Variants in CDC42EP4 observed in about 807,000 individuals in gnomAD.
CDC42EP4 encodes CDC42 effector protein (Rho GTPase binding) 4.
In CDC42EP4, 6 loss-of-function variants were observed where a neutral mutation model predicts 5.6. The ratio of observed to expected loss-of-function variants is 1.07; its 90% CI spans 0.59 to 2.12. CDC42EP4 has a LOEUF of 2.12. Among genes scored for constraint, CDC42EP4 ranks in the 30% most tolerant of loss-of-function variants. The probability of loss-of-function intolerance (pLI) is 0.00; values close to 1 mark genes in which losing one functional copy is unlikely to be tolerated. For missense variants in CDC42EP4, 490 were observed against 508.6 expected (o/e 0.96, Z 0.35); for synonymous variants, 230 against 224.2 (o/e 1.03, Z -0.23).
intron 1 of CDC42EP4, among the ~76,000 whole-genome samples, chr17:73,291,720 C>T (rs556725948): frequency 6.6e-6 from 1 of 152,260 alleles, no homozygotes; most frequent in African/African-American, 2.4e-5. Flanking sequence ...AAACCACATC[C>T]CACTTTCTTG....
At chr17:73,295,000 C>T (rs1395494495) in intron 1 of CDC42EP4, among the ~76,000 whole-genome samples, 3 of 151,828 alleles carry the variant, frequency 2.0e-5, no homozygotes, top group South Asian at 2.1e-4. Flanking sequence ...TTAGTAGAGA[C>T]GGGGTTCCAC....
chr17:73,303,824 A>C (rs2062231667), intron 1 of CDC42EP4, among the ~76,000 whole-genome samples: 1 of 152,170 alleles, frequency 6.6e-6, no homozygotes, highest in South Asian at 2.1e-4. Context: ...TTTGAATATC[A>C]CACAAGTATT....
In CDC42EP4 at chr17:73,286,708, T is replaced by C; in HGVS notation, c.-112-96A>G. ...GGGACTGTCATTTAAACCCCAGCGC[T>C]CCTACCAAAGTTAAATGCTGTGAAA... On this transcript the variant is annotated intron_variant, in intron 1 of 1. Transcript: ENST00000335793. The surrounding 1 kb of genome is among the most constrained non-coding windows in gnomAD (Gnocchi z 7.7). 1 of 569,510 alleles carries C rather than the reference T, an allele frequency of 1.8e-6. No homozygotes were observed. The highest frequency in any genetic ancestry group is 2.4e-5 in the South Asian group (1 of 40,928). The allele number at this position is 569,510 out of a possible 1,614,324, so 35.3% of individuals were successfully genotyped here.
chr17:73,302,905 A>C (rs987770571), intron 1 of CDC42EP4, among the ~76,000 whole-genome samples: 6 of 148,896 alleles, frequency 4.0e-5, no homozygotes, highest in Middle Eastern at 3.5e-3. Context: ...TTAGCTGGGC[A>C]TGGTGGCGGG....
intron 1 of CDC42EP4, among the ~76,000 whole-genome samples, chr17:73,295,546 G>A (rs1238411416): frequency 6.6e-6 from 1 of 152,194 alleles, no homozygotes; most frequent in Non-Finnish European, 1.5e-5. Flanking sequence ...TGGTCCCAGG[G>A]TGGGGTGGTC....
Position 73,286,042 on chromosome 17 carries a change from G to A in CDC42EP4, c.459C>T (p.Gly153=), listed in dbSNP as rs200578646. The change falls in exon 2 of 2, where the codon GGC becomes GGT. Residue 153 remains glycine, a synonymous_variant. Coordinates refer to ENST00000335793, the MANE Select transcript of CDC42EP4 (RefSeq NM_012121.5). This position sits in a 1 kb window ranked among gnomAD's most constrained non-coding sequence, Gnocchi z 7.7. ...CCTCCTCCGTGCCCGCCTCCTCATC[G>A]CCGCCCTCCCCGTCATTGGCCTTCT... ...PVKKANDGEG[G]DEEAGTEEAV... 2.5e-6 allele frequency: 4 copies of A among 1,613,678 alleles called. No homozygotes were observed. Among genetic ancestry groups the A allele is most frequent in the African/African-American group, 2.7e-5 (2 of 74,914 alleles).
intron 1 of CDC42EP4, among the ~76,000 whole-genome samples, chr17:73,304,131 C>A (rs1414567949): frequency 6.6e-6 from 1 of 152,198 alleles, no homozygotes; most frequent in Non-Finnish European, 1.5e-5. Flanking sequence ...GGGTAGACCC[C>A]TCCCCAGACT....
At chr17:73,289,751 G>GAGGA (rs1491044115) in intron 1 of CDC42EP4, among the ~76,000 whole-genome samples, 1 of 128,884 alleles carries the variant, frequency 7.8e-6, no homozygotes, top group Non-Finnish European at 1.7e-5. Flanking sequence ...GGAAGGGAGG[G>GAGGA]AGGAAGGGAG....
intron 1 of CDC42EP4, among the ~76,000 whole-genome samples, chr17:73,289,871 A>C (rs1377915078): frequency 1.3e-5 from 2 of 152,090 alleles, no homozygotes; most frequent in African/African-American, 4.8e-5. Context: ...AAGAAAGGAA[A>C]AGAAAAGCAA....
At chr17:73,299,161 C>G (rs113797116) in intron 1 of CDC42EP4, among the ~76,000 whole-genome samples, 42 of 152,156 alleles carry the variant, frequency 2.8e-4, no homozygotes, top group African/African-American at 9.9e-4. Context: ...CAGTGGCTCA[C>G]GCCTGTAATC....
In CDC42EP4 at chr17:73,284,006, C is replaced by A. The variant is rs1408234725; in HGVS notation, c.*1424G>T. The stretch of plus-strand genomic sequence containing the variant: ...GACAGAAAAATAACCGGCAGTCAAC[C>A]TCAGGGCTCATACCCGAGCTTCTGC... On this transcript the variant is annotated 3_prime_UTR_variant, in exon 2 of 2. Transcript: ENST00000335793. 2 of 152,240 alleles carry A rather than the reference C, an allele frequency of 1.3e-5. No individual in the cohort carries two copies. Among genetic ancestry groups the A allele is most frequent in the African/African-American group, 4.8e-5 (2 of 41,454 alleles). 9.4% of individuals were successfully genotyped at this position (152,240 alleles called of 1,614,324 possible).
Position 73,286,021 on chromosome 17 carries a change from C to T in CDC42EP4, c.480G>A (p.Glu160=), listed in dbSNP as rs2062131172. ...GEGGDEEAGT[E]EAVPRRNGAA... ...CCCCATTCCGACGGGGCACTGCCTC[C>T]TCCGTGCCCGCCTCCTCATCGCCGC... Residue 160 remains glutamate, a synonymous_variant, in exon 2 of 2, where the codon GAG becomes GAA. Transcript: ENST00000335793. This position sits in a 1 kb window ranked among gnomAD's most constrained non-coding sequence, Gnocchi z 7.7. 1.9e-6 allele frequency: 3 copies of T among 1,613,730 alleles called. No homozygotes were observed. Among genetic ancestry groups the T allele is most frequent in the Non-Finnish European group, 2.5e-6 (3 of 1,179,964 alleles).
chr17:73,298,415 C>A (rs2062199846), intron 1 of CDC42EP4, among the ~76,000 whole-genome samples: 1 of 152,202 alleles, frequency 6.6e-6, no homozygotes, highest in Admixed American at 6.5e-5. Flanking sequence ...AAGGATCACT[C>A]CCACCCTACC....
chr17:73,297,595 G>A (rs905915488), intron 1 of CDC42EP4, among the ~76,000 whole-genome samples: 5 of 152,158 alleles, frequency 3.3e-5, no homozygotes, highest in Non-Finnish European at 7.3e-5. Context: ...AAGGGCACAT[G>A]GAGAAATTAA....
rs754529958 is a variant in CDC42EP4 at position 73,285,868 on chromosome 17, G to A, written c.633C>T (p.Ile211=). The A allele has an allele frequency of 5.0e-6, 8 of 1,613,982 alleles. No homozygotes were observed. The highest frequency in any genetic ancestry group is 1.7e-5 in the Admixed American group (1 of 60,016). ...CACCCAGCATGGAGGGCCCCAGGTC[G>A]ATGTGGAAGGACATGATGGACTCCG... ...KHAESIMSFH[I]DLGPSMLGDV... Residue 211 remains isoleucine, a synonymous_variant, in exon 2 of 2, where the codon ATC becomes ATT. Transcript: ENST00000335793. The surrounding 1 kb of genome is among the most constrained non-coding windows in gnomAD (Gnocchi z 6.8).
chr17:73,298,510 C>G (rs1465955099), intron 1 of CDC42EP4, among the ~76,000 whole-genome samples: 1 of 152,162 alleles, frequency 6.6e-6, no homozygotes, highest in Non-Finnish European at 1.5e-5. Flanking sequence ...TCAGAGAGAT[C>G]CTGTGCAGGT....
chr17:73,307,921 T>C (rs2062253133), intron 1 of CDC42EP4, among the ~76,000 whole-genome samples: 1 of 151,916 alleles, frequency 6.6e-6, no homozygotes, highest in Admixed American at 6.6e-5. Context: ...TTTGTATTTT[T>C]AGTAGAGACG....
chr17:73,286,378 G>T lies in CDC42EP4; in HGVS notation c.123C>A (p.Gly41=). 6.2e-7 allele frequency: 1 copy of T among 1,614,024 alleles called. No individual in the cohort carries two copies. The highest frequency in any genetic ancestry group is 8.5e-7 in the Non-Finnish European group (1 of 1,180,016). The part of the protein sequence containing the change: ...LGDFRHTMHV[G]RAGDAFGDTS... ...TGTCCCCAAAGGCGTCTCCGGCCCG[G>T]CCAACGTGCATGGTGTGGCGGAAGT... Residue 41 remains glycine, a synonymous_variant, in exon 2 of 2, where the codon GGC becomes GGA. Transcript: ENST00000335793. The surrounding 1 kb of genome is among the most constrained non-coding windows in gnomAD (Gnocchi z 7.7).
intron 1 of CDC42EP4, among the ~76,000 whole-genome samples, chr17:73,303,920 A>G (rs2062232124): frequency 6.6e-6 from 1 of 152,246 alleles, no homozygotes; most frequent in Non-Finnish European, 1.5e-5. Context: ...AGTTATGGGA[A>G]AACACACTAC....
Sources: gnomAD v4.1 joint callset for allele counts (sites outside exome capture counted in the v4.1 genomes callset) on GRCh38, gnomAD v4.1.1 for gene constraint, Gnocchi (gnomAD v3.1) non-coding constraint, MANE v1.5 for transcripts, NCBI Gene and HGNC (gene_info 2026-07-23, HGNC 2026-07-21) for gene names.